The following SHANK1 variants were observed in gnomAD, a reference collection of about 807,000 sequenced individuals.
The protein encoded by SHANK1 is SH3 and multiple ankyrin repeat domains 1.
SHANK1 carries 35 observed loss-of-function variants against 165.6 expected under a neutral mutation model. The ratio of observed to expected loss-of-function variants is 0.21; its 90% CI spans 0.16 to 0.28. The LOEUF is 0.28. SHANK1 is among the 10% of genes least tolerant of loss of function. The pLI is 1.00. For missense variants in SHANK1, 2,681 were observed against 3,036.4 expected (o/e 0.88, Z 2.75); for synonymous variants, 1,428 against 1,384.8 (o/e 1.03, Z -0.69).
chr19:50,703,668 G>T lies in SHANK1; in HGVS notation c.1385C>A (p.Pro462His). ...SAPGAASSGA[P>H]GPTSGSQGQS... ...GCCCTGGGACCCTGAGGTAGGGCCA[G>T]GGGCCCCAGAGGACGCGGCCCCCGG... is the stretch of plus-strand genomic sequence containing the variant. Residue 462 changes from proline to histidine, a missense_variant, in exon 11 of 24, where the codon CCT becomes CAT. By Grantham distance (77) the Pro-to-His change is moderately conservative. Coordinates refer to ENST00000293441, the MANE Select transcript of SHANK1 (RefSeq NM_016148.5). 6.7e-7 allele frequency: 1 copy of T among 1,494,162 alleles called. No homozygotes were observed. The allele number at this position is 1,494,162 out of a possible 1,614,324, so 92.6% of individuals were successfully genotyped here.
chr19:50,666,648 C>A lies in SHANK1; in HGVS notation c.5312G>T (p.Gly1771Val), dbSNP rs1985529491. Residue 1771 changes from glycine to valine, a missense_variant, in exon 23 of 24, where the codon GGC (glycine) becomes GTC (valine). Transcript: ENST00000293441. ...AGGGTCTCGGAGTCCCCCGCTGGGG[C>A]CAGGCCGCAGGCCTCCGCTGGCTCC... ...ALGASGGLRP[G>V]PSGGLRDPVT... The A allele has an allele frequency of 1.3e-6, 2 of 1,593,496 alleles. No individual in the cohort carries two copies. Among genetic ancestry groups the A allele is most frequent in the South Asian group, 2.3e-5 (2 of 88,440 alleles).
Position 50,716,558 on chromosome 19 carries a change from G to A in SHANK1, c.256-80C>T, listed in dbSNP as rs2089071948. 12 of 1,575,334 alleles carry A rather than the reference G, an allele frequency of 7.6e-6. No homozygotes were observed. The highest frequency in any genetic ancestry group is 1.0e-5 in the Non-Finnish European group (12 of 1,155,158). On this transcript the variant is annotated intron_variant, in intron 2 of 23. Transcript: ENST00000293441. The surrounding 1 kb of genome is among the most constrained non-coding windows in gnomAD (Gnocchi z 8.4). ...AGGTGGGTTGGGAAGTGAGCCAGGA[G>A]CTGAGTGTGGGGGTGATTCCTGGGA...
chr19:50,703,677 G>A lies in SHANK1; in HGVS notation c.1376C>T (p.Ser459Phe). 1 of 1,478,164 alleles carries A rather than the reference G, an allele frequency of 6.8e-7. No homozygotes were observed. Among genetic ancestry groups the A allele is most frequent in the Non-Finnish European group, 9.0e-7 (1 of 1,116,108 alleles). The allele number at this position is 1,478,164 out of a possible 1,614,324, so 91.6% of individuals were successfully genotyped here. Residue 459 changes from serine (S) to phenylalanine (F), a missense_variant, in exon 11 of 24, where the codon TCT (serine) becomes TTT (phenylalanine). By Grantham distance (155) the Ser-to-Phe change is radical (BLOSUM62 -2). Transcript: ENST00000293441. ...CCCTGAGGTAGGGCCAGGGGCCCCA[G>A]AGGACGCGGCCCCCGGGGCGGAGAA... ...MVFSAPGAAS[S>F]GAPGPTSGSQ... is the part of the protein sequence containing the mutation.
In SHANK1 at chr19:50,697,872, A is replaced by C; in HGVS notation, c.1832T>G (p.Val611Gly). The C allele has an allele frequency of 6.2e-7, 1 of 1,614,024 alleles. No homozygotes were observed. ...CTTGCTCTCCTGAGAGCGATTCGCC[A>C]CTTCTTCCAGGCAGTCAGAGGGGAA... ...GWFPSDCLEE[V>G]ANRSQESKQE... The change falls in exon 13 of 24, where the codon GTG becomes GGG. Residue 611 changes from valine (V) to glycine (G), a missense_variant. By Grantham distance (109) the Val-to-Gly change is moderately radical. Transcript: ENST00000293441. The surrounding 1 kb of genome is among the most constrained non-coding windows in gnomAD (Gnocchi z 4.7).
Position 50,713,746 on chromosome 19 carries a change from G to A in SHANK1, c.792+52C>T. On this transcript the variant is annotated intron_variant, in intron 6 of 23. Transcript: ENST00000293441. The surrounding 1 kb of genome is among the most constrained non-coding windows in gnomAD (Gnocchi z 6.2). ...AACTGAGGTTTGAGAAAGAACAAAG[G>A]GAAAAGGAGAGAGGGCCCCATGGCG... 1 of 1,603,424 alleles carries A rather than the reference G, an allele frequency of 6.2e-7. No homozygotes were observed.
Position 50,717,969 on chromosome 19 carries a change from C to T in SHANK1, c.-43-1007G>A, listed in dbSNP as rs1207190561. Among the ~76,000 whole-genome samples, 1 of 151,982 alleles carries T rather than the reference C, an allele frequency of 6.6e-6. No homozygotes were observed. Among genetic ancestry groups the T allele is most frequent in the East Asian group, 1.9e-4 (1 of 5,180 alleles). On this transcript the variant is annotated intron_variant, in intron 1 of 23. Coordinates refer to ENST00000293441, the MANE Select transcript of SHANK1 (RefSeq NM_016148.5). This position sits in a 1 kb window ranked among gnomAD's most constrained non-coding sequence, Gnocchi z 5.5. ...GGTGGAGCCCCTTCCAAATGGGGTC[C>T]GCCTCCCTTCTGTTCTCCCCCAACT...
intron 15 of SHANK1, among the ~76,000 whole-genome samples, chr19:50,695,086 CCCGCCGCCGCCGCCG>C (rs768896742): frequency 2.1e-5 from 3 of 145,824 alleles, no homozygotes; most frequent in African/African-American, 7.4e-5. Context: ...GCCGGCCGCC[CCCGCCGCCGCCGCCG>C]CCGCCGCGTC....
chr19:50,716,534 G>A lies in SHANK1; in HGVS notation c.256-56C>T. The A allele has an allele frequency of 6.3e-7, 1 of 1,597,742 alleles. No homozygotes were observed. Among genetic ancestry groups the A allele is most frequent in the Non-Finnish European group, 8.6e-7 (1 of 1,169,062 alleles). ...GGCCAGGGGCCAGAGGAGAGCCTGA[G>A]GTGGGTTGGGAAGTGAGCCAGGAGC... On this transcript the variant is annotated intron_variant, in intron 2 of 23. Coordinates refer to ENST00000293441, the MANE Select transcript of SHANK1 (RefSeq NM_016148.5). The surrounding 1 kb of genome is among the most constrained non-coding windows in gnomAD (Gnocchi z 8.4).
chr19:50,703,562 G>T lies in SHANK1; in HGVS notation c.1491C>A (p.Ala497=), dbSNP rs1356025065. The T allele has an allele frequency of 4.5e-6, 7 of 1,554,658 alleles. No homozygotes were observed. The highest frequency in any genetic ancestry group is 6.1e-6 in the Non-Finnish European group (7 of 1,154,494). The change falls in exon 11 of 24, where the codon GCC becomes GCA. Residue 497 remains alanine (A), a synonymous_variant. Transcript: ENST00000293441. The stretch of plus-strand genomic sequence containing the variant: ...GGTGCCTCCCTCGGGATGGAGAGCG[G>T]GCCCTGGCACCCCGGGGGCTGCTGG... ...RSASSPRGAR[A]RSPSRGRHPE...
At chr19:50,711,544 G>A in intron 7 of SHANK1, 57 bp from the exon 8 acceptor site, 2 of 1,279,198 alleles carry the variant, frequency 1.6e-6, no homozygotes, top group South Asian at 2.6e-5. Flanking sequence ...CTCCCTCTGG[G>A]CCAAGAGTCT....
In SHANK1 at chr19:50,705,416, T is replaced by C. The variant is rs145963005; in HGVS notation, c.1078-902A>G. Among the ~76,000 whole-genome samples, 433 of 152,308 alleles carry C rather than the reference T, an allele frequency of 2.8e-3. 6 individuals are homozygous for C. Among genetic ancestry groups the C allele is most frequent in the African/African-American group, 9.8e-3 (407 of 41,558 alleles). On this transcript the variant is annotated intron_variant, in intron 8 of 23. Transcript: ENST00000293441. ...TTTAGATACACTGTTATAAGTAAAATATGTTGTTAAAATAAATGTCACCTA... is the reference window on the plus strand; with the variant it reads ...TTTAGATACACTGTTATAAGTAAAACATGTTGTTAAAATAAATGTCACCTA...
intron 23 of SHANK1, among the ~76,000 whole-genome samples, chr19:50,665,337 G>A (rs981084644): frequency 6.6e-6 from 1 of 151,878 alleles, no homozygotes; most frequent in Admixed American, 6.6e-5. Flanking sequence ...ACCGAGGTGG[G>A]ATGAATCACC....
chr19:50,686,602 G>T lies in SHANK1; in HGVS notation c.2458+142C>A. ...AACGGGGCAGCCGTCGGGAGAGGGC[G>T]GGCGGAGGGAGGGGAGGTGGGATCG... is the stretch of plus-strand genomic sequence containing the variant. On this transcript the variant is annotated intron_variant, in intron 20 of 23. Coordinates refer to ENST00000293441, the MANE Select transcript of SHANK1 (RefSeq NM_016148.5). This position sits in a 1 kb window ranked among gnomAD's most constrained non-coding sequence, Gnocchi z 5.7. 1.3e-6 allele frequency: 1 copy of T among 799,420 alleles called. No individual in the cohort carries two copies. Among genetic ancestry groups the T allele is most frequent in the East Asian group, 2.7e-5 (1 of 37,416 alleles). The allele number at this position is 799,420 out of a possible 1,614,324, so 49.5% of individuals were successfully genotyped here. A position where few individuals can be genotyped will look rare whatever the true frequency, so the allele number is the denominator to read the frequency against.
In SHANK1 at chr19:50,703,491, C is replaced by T; in HGVS notation, c.1553+9G>A. ...CTGGGGACTGTGGAGCCAGGGCTGCCTCCCCTACCTGGGCCGGCCTCGGGG... is the reference window on the plus strand; with the variant it reads ...CTGGGGACTGTGGAGCCAGGGCTGCTTCCCCTACCTGGGCCGGCCTCGGGG... On this transcript the variant is annotated intron_variant, in intron 11 of 23. Coordinates refer to ENST00000293441, the MANE Select transcript of SHANK1 (RefSeq NM_016148.5). 6.5e-7 allele frequency: 1 copy of T among 1,534,788 alleles called. No homozygotes were observed. Among genetic ancestry groups the T allele is most frequent in the Non-Finnish European group, 8.7e-7 (1 of 1,145,908 alleles).
chr19:50,710,292 C>T (rs2088992677), intron 8 of SHANK1, among the ~76,000 whole-genome samples: 1 of 152,226 alleles, frequency 6.6e-6, no homozygotes. Flanking sequence ...CACAAGGCGG[C>T]ACGTGGCCAC....
Position 50,686,745 on chromosome 19 carries a change from G to C in SHANK1, c.2457C>G (p.Leu819=), listed in dbSNP as rs779242059. 3 of 1,613,696 alleles carry C rather than the reference G, an allele frequency of 1.9e-6. No individual in the cohort carries two copies. Among genetic ancestry groups the C allele is most frequent in the East Asian group, 2.2e-5 (1 of 44,840 alleles). The stretch of plus-strand genomic sequence containing the variant: ...AGGAGCAGGGCTGGGCCGTCTTACT[G>C]AGAGCCATCTGATACACGGTCCGCT... ...EKKRTVYQMA[L]NKLDEILAAA... The change falls in exon 20 of 24, where the codon CTC becomes CTG. Residue 819 remains leucine (L), a splice_region_variant and synonymous_variant. Transcript: ENST00000293441. The surrounding 1 kb of genome is among the most constrained non-coding windows in gnomAD (Gnocchi z 5.7).
chr19:50,703,879 C>G, intron 10 of SHANK1, 49 bp from the exon 11 acceptor site: 1 of 820,512 alleles, frequency 1.2e-6, no homozygotes, highest in Non-Finnish European at 1.8e-6. Flanking sequence ...GGAGAAAAGG[C>G]AAGCAGGGGG....
Position 50,713,754 on chromosome 19 carries a change from A to G in SHANK1, c.792+44T>C, listed in dbSNP as rs548962143. On this transcript the variant is annotated intron_variant, in intron 6 of 23. Coordinates refer to ENST00000293441, the MANE Select transcript of SHANK1 (RefSeq NM_016148.5). The surrounding 1 kb of genome is among the most constrained non-coding windows in gnomAD (Gnocchi z 6.2). ...TTTGAGAAAGAACAAAGGGAAAAGG[A>G]GAGAGGGCCCCATGGCGGGGATGGG... The G allele has an allele frequency of 2.2e-5, 35 of 1,607,742 alleles. No homozygotes were observed. Among genetic ancestry groups the G allele is most frequent in the Non-Finnish European group, 2.8e-5 (33 of 1,177,160 alleles).
In SHANK1 at chr19:50,662,210, G is replaced by C; in HGVS notation, c.6241C>G (p.Leu2081Val). 3 of 1,609,792 alleles carry C rather than the reference G, an allele frequency of 1.9e-6. No individual in the cohort carries two copies. In the South Asian group the frequency reaches 3.3e-5, roughly 18 times the overall value. ...GGCTTGTCCGGGGGCAGCGAGAGCA[G>C]GCGGGTCGGTGAGAGGGAGCGCGAG... The part of the protein sequence containing the change: ...GASRSLSPTR[L>V]LSLPPDKPFG... The change falls in exon 24 of 24, where the codon CTG (leucine) becomes GTG (valine). Residue 2081 changes from leucine to valine, a missense_variant. By Grantham distance (32) the Leu-to-Val change is conservative. Transcript: ENST00000293441. This position sits in a 1 kb window ranked among gnomAD's most constrained non-coding sequence, Gnocchi z 7.7.
Sources: gnomAD v4.1 joint callset for allele counts (sites outside exome capture counted in the v4.1 genomes callset) on GRCh38, gnomAD v4.1.1 for gene constraint, Gnocchi (gnomAD v3.1) non-coding constraint, MANE v1.5 for transcripts, NCBI Gene and HGNC (gene_info 2026-07-23, HGNC 2026-07-21) for gene names.